Variants in LACTB2 observed in about 807,000 individuals in gnomAD.
LACTB2 encodes the protein endoribonuclease LACTB2.
LACTB2 carries 32 observed loss-of-function variants against 34.8 expected under a neutral mutation model. The ratio of observed to expected loss-of-function variants is 0.92; its 90% CI spans 0.69 to 1.24. The LOEUF (loss-of-function observed/expected upper bound fraction) is 1.24. Ranked by LOEUF, LACTB2 falls within the 50% of genes most tolerant of loss-of-function variation. The pLI, the probability that LACTB2 is intolerant of heterozygous loss-of-function variation, is 0.00. For synonymous variants in LACTB2, 120 were observed against 117.5 expected, an observed-to-expected ratio of 1.02 and a Z score of -0.14; for missense variants, 320 against 345.0, an observed-to-expected ratio of 0.93 and a Z score of 0.57.
intron 1 of LACTB2, among the ~76,000 whole-genome samples, chr8:70,664,808 TATTA>T (rs1818518529): frequency 6.6e-6 from 1 of 152,172 alleles, no homozygotes; most frequent in East Asian, 1.9e-4. Flanking sequence ...ATTATTACTT[TATTA>T]ATTATTTATT....
chr8:70,637,834 A>T lies in LACTB2; in HGVS notation c.*26T>A, dbSNP rs1818142524. 1 of 1,487,966 alleles carries T rather than the reference A, an allele frequency of 6.7e-7. No individual in the cohort carries two copies. The highest frequency in any genetic ancestry group is 9.1e-7 in the Non-Finnish European group (1 of 1,094,312). 92.2% of individuals were successfully genotyped at this position (1,487,966 alleles called of 1,614,324 possible). A position where few individuals can be genotyped will look rare whatever the true frequency, so the allele number is the denominator to read the frequency against. ...ACATACCATTCTCTGAAAGCAAAATAAAACAAAGCTTTCTTTAATCTGAAA... is the reference window on the plus strand; with the variant it reads ...ACATACCATTCTCTGAAAGCAAAATTAAACAAAGCTTTCTTTAATCTGAAA... On this transcript the variant is annotated 3_prime_UTR_variant, in exon 7 of 7. Coordinates refer to ENST00000276590, the MANE Select transcript of LACTB2 (RefSeq NM_016027.3).
At chr8:70,652,978 C>G (rs1164802483) in intron 3 of LACTB2, among the ~76,000 whole-genome samples, 8 of 152,162 alleles carry the variant, frequency 5.3e-5, no homozygotes, top group African/African-American at 1.9e-4. Flanking sequence ...CTTTCATTAA[C>G]TTGGTCTAGG....
chr8:70,644,103 TTTA>T lies in LACTB2; in HGVS notation c.551_553del (p.Leu184_Lys185delinsTer), dbSNP rs1267691934. ...ATCAGCTTTGATTTTCAATAACTCT[TTTA>T]AAGAGTTCATATAATCATAGAGGTC... is the stretch of plus-strand genomic sequence containing the variant. On this transcript the variant is annotated stop_gained and inframe_deletion, in exon 4 of 7. Transcript: ENST00000276590. LOFTEE classifies it high-confidence loss of function. The T allele has an allele frequency of 6.2e-7, 1 of 1,601,978 alleles. No individual in the cohort carries two copies. The highest frequency in any genetic ancestry group is 2.2e-5 in the East Asian group (1 of 44,642).
chr8:70,644,723 T>G (rs1429459118), intron 3 of LACTB2, among the ~76,000 whole-genome samples: 6 of 152,110 alleles, frequency 3.9e-5, no homozygotes, highest in Admixed American at 2.6e-4. Context: ...CAAGCAATCC[T>G]ACCACCTCGG....
chr8:70,661,136 C>G, intron 2 of LACTB2: 1 of 438,524 alleles, frequency 2.3e-6, no homozygotes, highest in Non-Finnish European at 4.6e-6. Flanking sequence ...TCCATGAGAA[C>G]AGAGTCTGTT....
intron 2 of LACTB2, chr8:70,661,114 T>C (rs1300515355): frequency 2.2e-6 from 1 of 451,024 alleles, no homozygotes; most frequent in South Asian, 1.6e-5. Flanking sequence ...CCTTCCCTAC[T>C]GGAATGAAAG....
intron 2 of LACTB2, chr8:70,660,546 A>G (rs538707387): frequency 2.2e-6 from 1 of 451,840 alleles, no homozygotes; most frequent in East Asian, 7.0e-5. Flanking sequence ...TACTAGCTCA[A>G]TGTAAATAAG....
chr8:70,661,211 T>TAATG (rs1007254023), intron 2 of LACTB2: 5 of 356,200 alleles, frequency 1.4e-5, no homozygotes, highest in African/African-American at 4.3e-5. Context: ...CTGGAATATT[T>TAATG]AATGAATGAA....
At chr8:70,638,141 A>C (rs968353732) in intron 6 of LACTB2, among the ~76,000 whole-genome samples, 4 of 152,248 alleles carry the variant, frequency 2.6e-5, no homozygotes, top group Non-Finnish European at 4.4e-5. Context: ...TTGACAAACT[A>C]ACACTAGAAA....
intron 4 of LACTB2, among the ~76,000 whole-genome samples, chr8:70,641,251 T>C (rs896925365): frequency 1.3e-5 from 2 of 152,176 alleles, no homozygotes; most frequent in South Asian, 2.1e-4. Context: ...TAGAAAATTA[T>C]AGCAAATACA....
intron 2 of LACTB2, among the ~76,000 whole-genome samples, chr8:70,658,240 T>C (rs986096083): frequency 3.3e-5 from 5 of 152,212 alleles, no homozygotes; most frequent in African/African-American, 1.2e-4. Flanking sequence ...GTGCCTAACA[T>C]GTAGCAAAGG....
chr8:70,645,080 A>G (rs1215058736), intron 3 of LACTB2, among the ~76,000 whole-genome samples: 1 of 151,978 alleles, frequency 6.6e-6, no homozygotes, highest in African/African-American at 2.4e-5. Flanking sequence ...ACACACACAT[A>G]TACACATATA....
chr8:70,638,295 A>G (rs553262611), intron 6 of LACTB2, among the ~76,000 whole-genome samples: 69 of 152,284 alleles, frequency 4.5e-4, no homozygotes, highest in Non-Finnish European at 5.4e-4. Context: ...TTCCTGCTAC[A>G]TGTCTTTGAT....
intron 3 of LACTB2, among the ~76,000 whole-genome samples, chr8:70,655,999 T>G (rs1818407792): frequency 6.6e-6 from 1 of 152,210 alleles, no homozygotes; most frequent in Non-Finnish European, 1.5e-5. Flanking sequence ...CATATCTTCT[T>G]TTGAGAACTG....
chr8:70,637,956 C>A, intron 6 of LACTB2, 53 bp from the exon 7 acceptor site: 1 of 1,035,882 alleles, frequency 9.7e-7, no homozygotes, highest in Non-Finnish European at 1.4e-6. Flanking sequence ...AGTAAATGCA[C>A]TGAATTTTAA....
At chr8:70,645,489 G>T (rs1421500459) in intron 3 of LACTB2, among the ~76,000 whole-genome samples, 2 of 151,684 alleles carry the variant, frequency 1.3e-5, no homozygotes, top group Non-Finnish European at 2.9e-5. Flanking sequence ...GTCAGAAAAA[G>T]ACTCTTTTTT....
chr8:70,645,478 G>C (rs1165262820), intron 3 of LACTB2, among the ~76,000 whole-genome samples: 1 of 151,738 alleles, frequency 6.6e-6, no homozygotes, highest in East Asian at 1.9e-4. Flanking sequence ...TGCAGAAGGT[G>C]GTCAGAAAAA....
At chr8:70,654,631 G>C (rs1818386536) in intron 3 of LACTB2, 1 of 151,970 alleles carries the variant, frequency 6.6e-6, no homozygotes, top group African/African-American at 2.4e-5. Context: ...CTATTTACAG[G>C]CTCCATCCCA....
At chr8:70,647,245 CTATATA>C (rs1345869149) in intron 3 of LACTB2, among the ~76,000 whole-genome samples, 1 of 151,406 alleles carries the variant, frequency 6.6e-6, no homozygotes, top group South Asian at 2.1e-4. Context: ...CTCTATCTAT[CTATATA>C]TATAATTTTT....
Sources: gnomAD v4.1 joint callset for allele counts (sites outside exome capture counted in the v4.1 genomes callset) on GRCh38, gnomAD v4.1.1 for gene constraint, MANE v1.5 for transcripts, NCBI Gene and HGNC (gene_info 2026-07-23, HGNC 2026-07-21) for gene names.